Variants in PCDHGB1 observed in about 807,000 individuals in gnomAD.
The protein encoded by PCDHGB1 is protocadherin gamma subfamily B, 1.
A neutral mutation model predicts 56.6 loss-of-function variants in PCDHGB1; 34 were observed. That is an observed-to-expected ratio of 0.60 (90% CI 0.46 to 0.80). The LOEUF (loss-of-function observed/expected upper bound fraction) is 0.80, where lower values mean the gene tolerates loss of function less well. Ranked by LOEUF, PCDHGB1 falls within the 30% of genes least tolerant of loss-of-function variation. The pLI is 0.00. For missense variants in PCDHGB1, 1,278 were observed against 1,204.6 expected (o/e 1.06, Z -0.90); for synonymous variants, 561 against 505.9 (o/e 1.11, Z -1.46).
intron 1 of PCDHGB1, among the ~76,000 whole-genome samples, chr5:141,465,094 G>GT (rs138941665): frequency 0.11 from 15,577 of 148,094 alleles, 909 homozygotes; most frequent in African/African-American, 0.15. Flanking sequence ...TTTTCTAGTA[G>GT]TTTTTTTTTT....
intron 1 of PCDHGB1, chr5:141,408,915 A>T (rs2095192273): frequency 1.2e-6 from 2 of 1,613,004 alleles, no homozygotes; most frequent in South Asian, 2.2e-5. Context: ...ACCAATGATA[A>T]CCCCCCGGTT....
Position 141,413,476 on chromosome 5 carries a change from G to T in PCDHGB1, c.2409+60807G>T, listed in dbSNP as rs566734719. 2.1e-5 allele frequency: 34 copies of T among 1,614,004 alleles called. No homozygotes were observed. The South Asian group carries it at 3.7e-4, about 18-fold the overall frequency. ...CAGGATAGACCGGGAGGAGCTCTGC[G>T]CTCAGAGCGCGCGGTGCGTGGTGAG... On this transcript the variant is annotated intron_variant, in intron 1 of 3. Coordinates refer to ENST00000523390, the MANE Select transcript of PCDHGB1 (RefSeq NM_018922.3).
At chr5:141,400,181 A>G (rs1188334062) in intron 1 of PCDHGB1, 14 of 1,614,034 alleles carry the variant, frequency 8.7e-6, no homozygotes, top group Non-Finnish European at 1.1e-5. Flanking sequence ...GCTGAGCTGC[A>G]GTTTTACCTA....
In PCDHGB1 at chr5:141,485,944, G is replaced by A; in HGVS notation, c.2410-8863G>A. 1.2e-6 allele frequency: 2 copies of A among 1,614,116 alleles called. No homozygotes were observed. The highest frequency in any genetic ancestry group is 1.7e-6 in the Non-Finnish European group (2 of 1,180,020). ...TTAGTGTGTTGGAGAGCGCACCAGC[G>A]GGCATGGTGCTCATCCAGCTCAATG... On this transcript the variant is annotated intron_variant, in intron 1 of 3. Coordinates refer to ENST00000523390, the MANE Select transcript of PCDHGB1 (RefSeq NM_018922.3). This position sits in a 1 kb window ranked among gnomAD's most constrained non-coding sequence, Gnocchi z 5.7.
intron 1 of PCDHGB1, among the ~76,000 whole-genome samples, chr5:141,448,768 G>A (rs544426582): frequency 1.3e-5 from 2 of 151,632 alleles, no homozygotes; most frequent in Non-Finnish European, 2.9e-5. Flanking sequence ...GTGAAACCCC[G>A]TCTGTACTAA....
In PCDHGB1 at chr5:141,432,071, A is replaced by G; in HGVS notation, c.2410-62736A>G. On this transcript the variant is annotated intron_variant, in intron 1 of 3. Transcript: ENST00000523390. The surrounding 1 kb of genome is among the most constrained non-coding windows in gnomAD (Gnocchi z 6.0). ...CCCGCCCCTATCCACGGAAACTCAT[A>G]TCTCGCTGAACGTGGCAGACACCAA... is the stretch of plus-strand genomic sequence containing the variant. 2 of 1,614,158 alleles carry G rather than the reference A, an allele frequency of 1.2e-6. No individual in the cohort carries two copies. The highest frequency in any genetic ancestry group is 1.7e-6 in the Non-Finnish European group (2 of 1,180,032).
At chr5:141,376,285 C>A in intron 1 of PCDHGB1, 2 of 1,614,230 alleles carry the variant, frequency 1.2e-6, no homozygotes, top group Non-Finnish European at 1.7e-6. Context: ...GCTTAGCGAG[C>A]ATGCCCGGCT....
chr5:141,351,245 G>A lies in PCDHGB1; in HGVS notation c.985G>A (p.Val329Ile). ...DGGVHTAHCN[V>I]QIEIVDENDN... is the part of the protein sequence containing the mutation. ...AGGAGTACACACAGCTCACTGTAAT[G>A]TTCAAATAGAAATTGTTGACGAGAA... Residue 329 changes from valine (V) to isoleucine (I), a missense_variant, in exon 1 of 4, where the codon GTT becomes ATT. Transcript: ENST00000523390. 6.2e-7 allele frequency: 1 copy of A among 1,614,038 alleles called. No homozygotes were observed. The highest frequency in any genetic ancestry group is 1.3e-5 in the African/African-American group (1 of 75,060).
intron 1 of PCDHGB1, chr5:141,398,796 C>G (rs765198482): frequency 8.1e-6 from 13 of 1,613,920 alleles, no homozygotes; most frequent in Middle Eastern, 1.6e-4. Context: ...CACCCCTAAG[C>G]GGCACCACTG....
At position 141,486,460 on chromosome 5, in the gene PCDHGB1, T is replaced by A. The variant is rs1218788640; in HGVS notation, c.2410-8347T>A. 6.2e-7 allele frequency: 1 copy of A among 1,614,146 alleles called. No individual in the cohort carries two copies. Among genetic ancestry groups the A allele is most frequent in the South Asian group, 1.1e-5 (1 of 91,082 alleles). On this transcript the variant is annotated intron_variant, in intron 1 of 3. Coordinates refer to ENST00000523390, the MANE Select transcript of PCDHGB1 (RefSeq NM_018922.3). The surrounding 1 kb of genome is among the most constrained non-coding windows in gnomAD (Gnocchi z 5.0). Reference sequence around the variant, plus strand: ...ATGACATCATGGTCACTGCTTCTGATGCTGGGAACCCTCCTCTCAGTACCC... The same window carrying A: ...ATGACATCATGGTCACTGCTTCTGAAGCTGGGAACCCTCCTCTCAGTACCC...
chr5:141,430,583 C>A, intron 1 of PCDHGB1: 1 of 490,378 alleles, frequency 2.0e-6, no homozygotes, highest in Non-Finnish European at 3.4e-6. Flanking sequence ...AGATCCTGCT[C>A]GCCTTGCACG....
intron 1 of PCDHGB1, among the ~76,000 whole-genome samples, chr5:141,454,900 C>T (rs1411402448): frequency 1.4e-5 from 2 of 145,486 alleles, no homozygotes; most frequent in African/African-American, 2.6e-5. Flanking sequence ...CACCGCCTCC[C>T]GGGTTCACGC....
intron 1 of PCDHGB1, chr5:141,422,687 T>C: frequency 6.2e-7 from 1 of 1,604,936 alleles, no homozygotes; most frequent in Non-Finnish European, 8.5e-7. Flanking sequence ...CAGAATGCCC[T>C]GGTCACTTAC....
intron 1 of PCDHGB1, among the ~76,000 whole-genome samples, chr5:141,435,245 G>A (rs577996994): frequency 6.6e-6 from 1 of 152,132 alleles, no homozygotes; most frequent in Admixed American, 6.5e-5. Context: ...ATTCTTTCTG[G>A]CCATTAGGGA....
At chr5:141,464,422 TATAG>T (rs2099083887) in intron 1 of PCDHGB1, among the ~76,000 whole-genome samples, 1 of 151,672 alleles carries the variant, frequency 6.6e-6, no homozygotes, top group African/African-American at 2.4e-5. Context: ...TATCTATATA[TATAG>T]ATATATATGT....
chr5:141,389,836 C>T (rs1471068729), intron 1 of PCDHGB1: 2 of 1,613,874 alleles, frequency 1.2e-6, no homozygotes, highest in Non-Finnish European at 1.7e-6. Context: ...GGACAGCCAC[C>T]ACTCTCGGCC....
rs368437640 is a variant in PCDHGB1, at chr5:141,365,739, C to A, written c.2409+13070C>A. ...ACAGAAAACAATCCCAGAGGTGTCT[C>A]TATCTTCTCTGTGACAGCCCATGAC... On this transcript the variant is annotated intron_variant, in intron 1 of 3. Coordinates refer to ENST00000523390, the MANE Select transcript of PCDHGB1 (RefSeq NM_018922.3). 107 of 1,613,792 alleles carry A rather than the reference C, an allele frequency of 6.6e-5. No homozygotes were observed. Among genetic ancestry groups the A allele is most frequent in the Non-Finnish European group, 9.0e-5 (106 of 1,179,874 alleles).
At chr5:141,376,368 A>C in intron 1 of PCDHGB1, 1 of 1,613,920 alleles carries the variant, frequency 6.2e-7, no homozygotes, top group Non-Finnish European at 8.5e-7. Flanking sequence ...CTCACTGCAG[A>C]CTCGCGTAAG....
At chr5:141,441,742 T>C in intron 1 of PCDHGB1, 1 of 367,312 alleles carries the variant, frequency 2.7e-6, no homozygotes, top group Non-Finnish European at 5.4e-6. Context: ...TAGCTCGCGC[T>C]CGGCGTCAAC....
Sources: gnomAD v4.1 joint callset for allele counts (sites outside exome capture counted in the v4.1 genomes callset) on GRCh38, gnomAD v4.1.1 for gene constraint, Gnocchi (gnomAD v3.1) non-coding constraint, MANE v1.5 for transcripts, NCBI Gene and HGNC (gene_info 2026-07-23, HGNC 2026-07-21) for gene names.